The following CA8 variants were observed in gnomAD, a reference collection of about 807,000 sequenced individuals.
The protein encoded by CA8 is carbonic anhydrase-related protein.
CA8 carries 22 observed loss-of-function variants against 41.4 expected under a neutral mutation model. That is an observed-to-expected ratio of 0.53 (90% confidence interval 0.38 to 0.76). The LOEUF is 0.76. CA8 is among the 30% of genes least tolerant of loss of function. CA8 has a pLI of 0.00. For missense variants in CA8, 270 were observed against 352.8 expected (o/e 0.77, Z 1.88); for synonymous variants, 121 against 130.6 (o/e 0.93, Z 0.50).
Position 60,279,760 on chromosome 8 carries a change from T to G in CA8, c.221A>C (p.Tyr74Ser). The G allele has an allele frequency of 6.2e-7, 1 of 1,614,154 alleles. No homozygotes were observed. Among genetic ancestry groups the G allele is most frequent in the Non-Finnish European group, 8.5e-7 (1 of 1,180,022 alleles). ...GACTTCACAGTCTCGGCACACCACA[T>G]AATTTGGGGAGAGGCGGACATCCAA... Reference protein sequence around the residue: ...SLLDVRLSPNYVVCRDCEVTN... With the variant: ...SLLDVRLSPNSVVCRDCEVTN... The change falls in exon 2 of 9, where the codon TAT (tyrosine) becomes TCT (serine). Residue 74 changes from tyrosine (Y) to serine (S), a missense_variant. By Grantham distance (144) the Tyr-to-Ser change is moderately radical. Coordinates refer to ENST00000317995, the MANE Select transcript of CA8 (RefSeq NM_004056.6).
At chr8:60,275,074 G>A (rs1204630469) in intron 2 of CA8, among the ~76,000 whole-genome samples, 1 of 152,140 alleles carries the variant, frequency 6.6e-6, no homozygotes, top group Non-Finnish European at 1.5e-5. Flanking sequence ...GAAAGCTGGT[G>A]GCCAACTTGA....
intron 8 of CA8, among the ~76,000 whole-genome samples, chr8:60,190,957 T>TATATAC (rs1554573722): frequency 8.6e-5 from 9 of 104,244 alleles, no homozygotes; most frequent in African/African-American, 2.7e-4. Flanking sequence ...TATATATATA[T>TATATAC]ACACACACAC....
chr8:60,251,297 A>G (rs1184633242), intron 3 of CA8, among the ~76,000 whole-genome samples: 1 of 152,212 alleles, frequency 6.6e-6, no homozygotes, highest in African/African-American at 2.4e-5. Flanking sequence ...ACCTGTCACT[A>G]TGCCTAGAAC....
At chr8:60,194,934 T>A (rs558660796) in intron 8 of CA8, among the ~76,000 whole-genome samples, 1 of 152,344 alleles carries the variant, frequency 6.6e-6, no homozygotes, top group South Asian at 2.1e-4. Flanking sequence ...TTGATGGTCA[T>A]TATTTGAAAT....
intron 3 of CA8, among the ~76,000 whole-genome samples, chr8:60,233,353 T>C (rs1807723755): frequency 6.6e-6 from 1 of 152,212 alleles, no homozygotes; most frequent in South Asian, 2.1e-4. Context: ...TGGCCACAAA[T>C]TGGATTTTTC....
intron 3 of CA8, among the ~76,000 whole-genome samples, chr8:60,254,719 T>C (rs1300910979): frequency 6.6e-6 from 1 of 152,146 alleles, no homozygotes; most frequent in Non-Finnish European, 1.5e-5. Context: ...TATCCATGGT[T>C]CAAATGGTGA....
At chr8:60,191,251 G>T (rs115855256) in intron 8 of CA8, among the ~76,000 whole-genome samples, 1 of 151,352 alleles carries the variant, frequency 6.6e-6, no homozygotes, top group Non-Finnish European at 1.5e-5. Context: ...TGGCTAAATC[G>T]AGCTAATTAG....
At chr8:60,275,493 G>A (rs766420786) in intron 2 of CA8, among the ~76,000 whole-genome samples, 23 of 151,704 alleles carry the variant, frequency 1.5e-4, no homozygotes, top group East Asian at 5.8e-4. Flanking sequence ...TAATTGCAGC[G>A]TAAGTTCAAT....
At chr8:60,218,465 C>A (rs146915649) in intron 7 of CA8, among the ~76,000 whole-genome samples, 290 of 152,174 alleles carry the variant, frequency 1.9e-3, no homozygotes, top group African/African-American at 6.3e-3. Flanking sequence ...TGAATGAATG[C>A]ATGCATTCCT....
chr8:60,232,133 C>A, intron 4 of CA8, 151 bp downstream of exon 4: 1 of 672,596 alleles, frequency 1.5e-6, no homozygotes, highest in Non-Finnish European at 2.7e-6. Flanking sequence ...TCCGATAAAC[C>A]ATAAGGATCA....
At position 60,185,589 on chromosome 8, in the gene CA8, C is replaced by T. The variant is rs912704720; in HGVS notation, c.*4432G>A. On this transcript the variant is annotated 3_prime_UTR_variant, in exon 9 of 9. Transcript: ENST00000317995. ...GTTTTTGAAAGCAGAAACAGAAAAACGATTTGTCTTGTAGAAGGAAACCTC... is the reference window on the plus strand; with the variant it reads ...GTTTTTGAAAGCAGAAACAGAAAAATGATTTGTCTTGTAGAAGGAAACCTC... Among the ~76,000 whole-genome samples the T allele has an allele frequency of 2.6e-5, 4 of 152,156 alleles. No homozygotes were observed. The highest frequency in any genetic ancestry group is 4.1e-4 in the South Asian group (2 of 4,822).
intron 8 of CA8, 155 bp downstream of exon 8, chr8:60,208,595 G>A (rs1247828174): frequency 6.0e-6 from 4 of 668,952 alleles, no homozygotes; most frequent in Non-Finnish European, 1.0e-5. Context: ...TACTTGACCT[G>A]TAATTAACAG....
At chr8:60,278,259 C>G (rs1291327865) in intron 2 of CA8, among the ~76,000 whole-genome samples, 4 of 152,218 alleles carry the variant, frequency 2.6e-5, no homozygotes, top group African/African-American at 9.7e-5. Flanking sequence ...TCCCACAACC[C>G]TTTGTAACAC....
At chr8:60,198,904 A>G (rs1806349228) in intron 8 of CA8, among the ~76,000 whole-genome samples, 1 of 152,106 alleles carries the variant, frequency 6.6e-6, no homozygotes. Flanking sequence ...CAATGATTTT[A>G]TTGCTAAGAT....
chr8:60,246,999 T>A (rs2130538965), intron 3 of CA8, among the ~76,000 whole-genome samples: 1 of 147,780 alleles, frequency 6.8e-6, no homozygotes, highest in African/African-American at 2.5e-5. Flanking sequence ...TTCTCCTGCC[T>A]CAGCCTCCCG....
At position 60,263,112 on chromosome 8, in the gene CA8, G is replaced by A. The variant is rs572883462; in HGVS notation, c.417+2813C>T. On this transcript the variant is annotated intron_variant, in intron 3 of 8. Transcript: ENST00000317995. ...TCCCAGCAATTTGGAAGGCTGAGAC[G>A]GGCAGATAACCTGAGGTCAGGAGTT... is the stretch of plus-strand genomic sequence containing the variant. Among the ~76,000 whole-genome samples, 56 of 152,196 alleles carry A rather than the reference G, an allele frequency of 3.7e-4. No homozygotes were observed. In the Middle Eastern group the frequency reaches 0.01, roughly 28 times the overall value.
intron 3 of CA8, among the ~76,000 whole-genome samples, chr8:60,243,895 T>C (rs1332484651): frequency 6.6e-6 from 1 of 152,232 alleles, no homozygotes; most frequent in East Asian, 1.9e-4. Context: ...ATGGCTGTTC[T>C]TATCTACTCA....
At chr8:60,224,430 A>G in intron 6 of CA8, 107 bp downstream of exon 6, 1 of 740,754 alleles carries the variant, frequency 1.3e-6, no homozygotes, top group Non-Finnish European at 2.4e-6. Context: ...TACAAATTGC[A>G]AATAAGTTTT....
chr8:60,223,862 A>G (rs180919653), intron 6 of CA8, among the ~76,000 whole-genome samples: 1 of 152,332 alleles, frequency 6.6e-6, no homozygotes, highest in Non-Finnish European at 1.5e-5. Flanking sequence ...TGGGCAGAGA[A>G]ATGTGAAGAT....
Sources: allele counts gnomAD v4.1 joint callset (sites outside exome capture counted in the v4.1 genomes callset), GRCh38; gene constraint gnomAD v4.1.1; transcripts MANE v1.5; gene names NCBI Gene and HGNC (gene_info 2026-07-23, HGNC 2026-07-21).